PDLIM5: variants seen among roughly 807,000 people sequenced by gnomAD.
PDLIM5 encodes PDZ and LIM domain protein 5.
PDLIM5 carries 34 observed loss-of-function variants against 64.2 expected under a neutral mutation model. That is an observed-to-expected ratio of 0.53 (90% CI 0.40 to 0.71). The LOEUF is 0.71. PDLIM5 is among the 30% of genes least tolerant of loss of function. The pLI, the probability that PDLIM5 is intolerant of heterozygous loss-of-function variation, is 0.00. For synonymous variants in PDLIM5, 253 were observed against 269.1 expected (o/e 0.94, Z 0.59); for missense variants, 683 against 733.6 (o/e 0.93, Z 0.80).
chr4:94,607,802 T>C (rs1006667007), intron 7 of PDLIM5, among the ~76,000 whole-genome samples: 2 of 152,152 alleles, frequency 1.3e-5, no homozygotes, highest in African/African-American at 4.8e-5. Flanking sequence ...TCCACCTCCT[T>C]TTCCCCTGTA....
intron 3 of PDLIM5, chr4:94,550,022 G>GAC (rs1306111939): frequency 6.6e-6 from 1 of 152,014 alleles, no homozygotes; most frequent in African/African-American, 2.4e-5. Flanking sequence ...ATTTTATATA[G>GAC]TTCCTTACAT....
At chr4:94,662,100 T>C (rs375199721) in intron 11 of PDLIM5, among the ~76,000 whole-genome samples, 4 of 152,196 alleles carry the variant, frequency 2.6e-5, no homozygotes, top group East Asian at 3.8e-4. Context: ...ATTACAGGCA[T>C]GAGCAACCGC....
intron 2 of PDLIM5, among the ~76,000 whole-genome samples, chr4:94,471,705 C>T (rs1431543843): frequency 6.6e-6 from 1 of 152,066 alleles, no homozygotes; most frequent in Non-Finnish European, 1.5e-5. Flanking sequence ...GCCCCAAGTT[C>T]TTTACCTGTC....
chr4:94,587,413 G>A lies in PDLIM5; in HGVS notation c.920+969G>A. The A allele has an allele frequency of 3.8e-6, 4 of 1,060,468 alleles. No homozygotes were observed. In the South Asian group the frequency reaches 1.4e-4, roughly 36 times the overall value. The allele number at this position is 1,060,468 out of a possible 1,614,324, so 65.7% of individuals were successfully genotyped here. Reference sequence around the variant, plus strand: ...TAAGTTGAATTTGGTTAGTTGGTTGGTTGAAGCAGAGGATAATGAGCAAAT... The same window carrying A: ...TAAGTTGAATTTGGTTAGTTGGTTGATTGAAGCAGAGGATAATGAGCAAAT... On this transcript the variant is annotated intron_variant, in intron 7 of 12. Coordinates refer to ENST00000317968, the MANE Select transcript of PDLIM5 (RefSeq NM_006457.5).
chr4:94,645,563 A>G (rs1429270808), intron 9 of PDLIM5, among the ~76,000 whole-genome samples: 1 of 152,172 alleles, frequency 6.6e-6, no homozygotes, highest in Non-Finnish European at 1.5e-5. Flanking sequence ...CATTCATTAA[A>G]TATTTATTGA....
intron 9 of PDLIM5, among the ~76,000 whole-genome samples, chr4:94,648,070 T>C (rs1741556610): frequency 1.3e-5 from 2 of 152,164 alleles, no homozygotes; most frequent in South Asian, 4.1e-4. Flanking sequence ...GGAAGAATCA[T>C]CTCAAATCAG....
chr4:94,517,940 A>C (rs1455869906), intron 2 of PDLIM5, among the ~76,000 whole-genome samples: 1 of 152,180 alleles, frequency 6.6e-6, no homozygotes, highest in Non-Finnish European at 1.5e-5. Flanking sequence ...CATATTATAA[A>C]TCATTTCTAT....
chr4:94,564,754 C>G (rs1734161788), intron 3 of PDLIM5, among the ~76,000 whole-genome samples: 1 of 147,380 alleles, frequency 6.8e-6, no homozygotes, highest in Non-Finnish European at 1.5e-5. Flanking sequence ...CTCCTGGGTT[C>G]AAGCGATTCT....
chr4:94,474,161 T>A (rs142744268), intron 2 of PDLIM5, among the ~76,000 whole-genome samples: 1,806 of 152,348 alleles, frequency 0.012, 40 homozygotes, highest in African/African-American at 0.041. Context: ...AATTGCTTTT[T>A]AAATTTTTCT....
At chr4:94,469,672 G>A (rs1419974774) in intron 2 of PDLIM5, among the ~76,000 whole-genome samples, 6 of 152,146 alleles carry the variant, frequency 3.9e-5, no homozygotes, top group Non-Finnish European at 7.3e-5. Context: ...GATTCCTCTG[G>A]ATTAGAGCTG....
At chr4:94,605,373 T>C (rs1363655771) in intron 7 of PDLIM5, among the ~76,000 whole-genome samples, 2 of 152,194 alleles carry the variant, frequency 1.3e-5, no homozygotes, top group African/African-American at 4.8e-5. Context: ...ACACAATGCA[T>C]GAATAGCTCT....
intron 4 of PDLIM5, 162 bp downstream of exon 4, chr4:94,573,555 G>A (rs1032219025): frequency 8.0e-6 from 6 of 745,798 alleles, no homozygotes; most frequent in Non-Finnish European, 1.2e-5. Context: ...GGGAAATGGA[G>A]ATCAGCACAT....
chr4:94,634,512 A>AGTTAT (rs143742185), intron 8 of PDLIM5, among the ~76,000 whole-genome samples: 2,810 of 150,740 alleles, frequency 0.019, 98 homozygotes, highest in African/African-American at 0.065. Flanking sequence ...TTCCCAGCTG[A>AGTTAT]CTTAAGTTTC....
intron 3 of PDLIM5, among the ~76,000 whole-genome samples, chr4:94,540,478 G>C (rs1230379392): frequency 6.6e-6 from 1 of 152,264 alleles, no homozygotes; most frequent in African/African-American, 2.4e-5. Flanking sequence ...TTTGTCTAAC[G>C]TCACACAGCC....
chr4:94,464,786 A>G (rs950327185), intron 2 of PDLIM5, among the ~76,000 whole-genome samples: 5 of 152,146 alleles, frequency 3.3e-5, no homozygotes, highest in Admixed American at 6.5e-5. Context: ...ACCTCTGTCT[A>G]TTCTGGAAGA....
chr4:94,553,329 G>T lies in PDLIM5; in HGVS notation c.249-20022G>T, dbSNP rs112535198. On this transcript the variant is annotated intron_variant, in intron 3 of 12. Transcript: ENST00000317968. The stretch of plus-strand genomic sequence containing the variant: ...TAGCCATCCTGGTCAGGCTGGTCTC[G>T]AACTCCTGACCTCAAGTGATCTGCC... 2.6e-3 allele frequency among the ~76,000 whole-genome samples: 399 copies of T among 152,106 alleles called. 3 individuals carry two copies. Among genetic ancestry groups the T allele is most frequent in the African/African-American group, 9.1e-3 (377 of 41,506 alleles).
intron 7 of PDLIM5, chr4:94,611,197 C>G (rs1432810057): frequency 2.0e-6 from 3 of 1,534,354 alleles, no homozygotes; most frequent in East Asian, 4.9e-5. Flanking sequence ...GTTAAGAAAA[C>G]AAGGTACTGT....
At position 94,600,983 on chromosome 4, in the gene PDLIM5, G is replaced by A. The variant is rs76223544; in HGVS notation, c.920+14539G>A. On this transcript the variant is annotated intron_variant, in intron 7 of 12. Coordinates refer to ENST00000317968, the MANE Select transcript of PDLIM5 (RefSeq NM_006457.5). ...TAATAATGATAAAATCCATTATGGA[G>A]TGGCAACAGCAGAGAAATGTGTAAG... Among the ~76,000 whole-genome samples, 1,365 of 152,264 alleles carry A rather than the reference G, an allele frequency of 9.0e-3. 13 individuals carry two copies. Among genetic ancestry groups the A allele is most frequent in the Non-Finnish European group, 0.016 (1,096 of 68,008 alleles).
At chr4:94,497,394 T>C (rs1727493947) in intron 2 of PDLIM5, among the ~76,000 whole-genome samples, 1 of 152,134 alleles carries the variant, frequency 6.6e-6, no homozygotes, top group Non-Finnish European at 1.5e-5. Context: ...GAGGTGAAAA[T>C]AATAATTCAG....
Sources: gnomAD v4.1 joint callset for allele counts (sites outside exome capture counted in the v4.1 genomes callset) on GRCh38, gnomAD v4.1.1 for gene constraint, MANE v1.5 for transcripts, NCBI Gene and HGNC (gene_info 2026-07-23, HGNC 2026-07-21) for gene names.